CCDC126: variants seen among roughly 807,000 people sequenced by gnomAD.
The protein encoded by CCDC126 is coiled-coil domain-containing protein 126.
CCDC126 carries 5 observed loss-of-function variants against 11.7 expected under a neutral mutation model. The ratio of observed to expected loss-of-function variants is 0.43; its 90% confidence interval spans 0.22 to 0.90. The LOEUF is 0.90. Ranked by LOEUF, CCDC126 falls within the 40% of genes least tolerant of loss-of-function variation. The pLI is 0.27. For synonymous variants in CCDC126, 60 were observed against 61.9 expected (o/e 0.97, Z 0.14); for missense variants, 150 against 163.1 (o/e 0.92, Z 0.44).
intron 2 of CCDC126, among the ~76,000 whole-genome samples, chr7:23,610,091 T>A (rs540483261): frequency 1.3e-5 from 2 of 152,220 alleles, no homozygotes; most frequent in Non-Finnish European, 2.9e-5. Flanking sequence ...TTTCTGTGTT[T>A]TAAAAACTTG....
chr7:23,600,748 G>T (rs1021366950), intron 2 of CCDC126, among the ~76,000 whole-genome samples: 2 of 152,196 alleles, frequency 1.3e-5, no homozygotes, highest in Non-Finnish European at 2.9e-5. Context: ...AGATTTGAAT[G>T]AGAGATTTTA....
At chr7:23,607,301 A>G (rs1007774455) in intron 2 of CCDC126, among the ~76,000 whole-genome samples, 1 of 152,166 alleles carries the variant, frequency 6.6e-6, no homozygotes, top group African/African-American at 2.4e-5. Flanking sequence ...CTTGGCCTCA[A>G]TGTTGGCCTA....
chr7:23,598,377 GT>G (rs1782466783), intron 2 of CCDC126: 1 of 152,190 alleles, frequency 6.6e-6, no homozygotes, highest in Non-Finnish European at 1.5e-5. Flanking sequence ...ATCATCCTGG[GT>G]TGTGTGTTCT....
intron 3 of CCDC126, among the ~76,000 whole-genome samples, chr7:23,620,075 A>G (rs1162412659): frequency 1.3e-5 from 2 of 152,234 alleles, no homozygotes; most frequent in Non-Finnish European, 2.9e-5. Flanking sequence ...AGCATGATTT[A>G]TAATCCTTTG....
chr7:23,602,258 G>A (rs1458169567), intron 2 of CCDC126: 1 of 152,038 alleles, frequency 6.6e-6, no homozygotes, highest in African/African-American at 2.4e-5. Flanking sequence ...TTCTTAACAG[G>A]GAATATTTTG....
chr7:23,637,911 A>C (rs1783267288), intron 3 of CCDC126, among the ~76,000 whole-genome samples: 1 of 107,022 alleles, frequency 9.3e-6, no homozygotes, highest in African/African-American at 3.4e-5. Flanking sequence ...GGCCGCCCCT[A>C]CTGGGAAGTG....
intron 3 of CCDC126, among the ~76,000 whole-genome samples, chr7:23,636,841 C>T: frequency 8.1e-6 from 1 of 123,554 alleles, no homozygotes; most frequent in South Asian, 2.9e-4. Context: ...GCCCGGCCGC[C>T]CCTACTGGAA....
intron 3 of CCDC126, among the ~76,000 whole-genome samples, chr7:23,612,498 A>AAC (rs1782733330): frequency 1.4e-5 from 2 of 143,418 alleles, no homozygotes; most frequent in Non-Finnish European, 3.0e-5. Flanking sequence ...AAAAAAAAAA[A>AAC]AAACAAAGAA....
At chr7:23,625,455 G>T (rs1479167158) in intron 3 of CCDC126, among the ~76,000 whole-genome samples, 3 of 152,050 alleles carry the variant, frequency 2.0e-5, no homozygotes, top group Non-Finnish European at 4.4e-5. Context: ...TTTATATGCA[G>T]ACTTTGACCA....
intron 3 of CCDC126, among the ~76,000 whole-genome samples, chr7:23,628,884 C>T (rs889022537): frequency 1.2e-4 from 19 of 152,268 alleles, no homozygotes; most frequent in African/African-American, 4.6e-4. Context: ...CCCTTCTCCA[C>T]CCAGCAGAGT....
chr7:23,623,266 C>T (rs961820296), intron 3 of CCDC126, among the ~76,000 whole-genome samples: 4 of 151,746 alleles, frequency 2.6e-5, no homozygotes, highest in Non-Finnish European at 4.4e-5. Context: ...CTGGCCTGCT[C>T]ACTTTTTGAT....
intron 1 of CCDC126, 53 bp downstream of exon 1, chr7:23,597,658 C>T (rs1782444314): frequency 6.5e-6 from 1 of 152,676 alleles, no homozygotes; most frequent in Non-Finnish European, 1.5e-5. Context: ...TCGCGCGCCC[C>T]TCAGCCTAGC....
intron 3 of CCDC126, among the ~76,000 whole-genome samples, chr7:23,625,266 G>A (rs567946636): frequency 6.6e-6 from 1 of 152,290 alleles, no homozygotes; most frequent in African/African-American, 2.4e-5. Context: ...ATATATGTGT[G>A]TGTATATGTA....
intron 2 of CCDC126, among the ~76,000 whole-genome samples, chr7:23,602,393 A>G (rs573033072): frequency 1.3e-5 from 2 of 152,334 alleles, no homozygotes; most frequent in East Asian, 1.9e-4. Context: ...GAGAACACCA[A>G]TAAGAATATA....
Position 23,623,798 on chromosome 7 carries a change from C to A in CCDC126, c.238+12245C>A, listed in dbSNP as rs554360646. 3.3e-5 allele frequency among the ~76,000 whole-genome samples: 5 copies of A among 152,150 alleles called. No individual in the cohort carries two copies. The South Asian group carries it at 1.0e-3, about 32-fold the overall frequency. On this transcript the variant is annotated intron_variant, in intron 3 of 3. Coordinates refer to ENST00000307471, the MANE Select transcript of CCDC126 (RefSeq NM_138771.4). ...TGTTAACTAGCTTGATTTAATTATT[C>A]CATATTGTATCCACAATTTATGACA...
chr7:23,618,887 T>A (rs1047323616), intron 3 of CCDC126, among the ~76,000 whole-genome samples: 2 of 152,104 alleles, frequency 1.3e-5, no homozygotes, highest in Non-Finnish European at 2.9e-5. Context: ...CAATGTATTT[T>A]ATTCCTTTGA....
At position 23,644,160 on chromosome 7, in the gene CCDC126, G is replaced by A. The variant is rs2109348; in HGVS notation, c.*1045G>A. ...GAAATTTTGAATTTGTATAACAGATGCATTAGATATTCATTTTATATAATG... is the reference window on the plus strand; with the variant it reads ...GAAATTTTGAATTTGTATAACAGATACATTAGATATTCATTTTATATAATG... On this transcript the variant is annotated 3_prime_UTR_variant, in exon 4 of 4. Coordinates refer to ENST00000307471, the MANE Select transcript of CCDC126 (RefSeq NM_138771.4). 134,191 of 152,044 alleles carry A rather than the reference G, an allele frequency of 0.88. 59,386 individuals are homozygous for A. The highest frequency in any genetic ancestry group is 0.94 in the African/African-American group (39,250 of 41,538). 9.4% of individuals were successfully genotyped at this position (152,044 alleles called of 1,614,324 possible).
At chr7:23,635,448 C>A (rs998648559) in intron 3 of CCDC126, among the ~76,000 whole-genome samples, 1 of 152,110 alleles carries the variant, frequency 6.6e-6, no homozygotes, top group Admixed American at 6.6e-5. Context: ...CATAGAATTC[C>A]CTTAAAGATG....
chr7:23,606,065 A>AT (rs1193848867), intron 2 of CCDC126, among the ~76,000 whole-genome samples: 5 of 150,812 alleles, frequency 3.3e-5, no homozygotes, highest in Non-Finnish European at 4.4e-5. Context: ...TTATTTATTT[A>AT]TTTATGTTTT....
Sources: allele counts gnomAD v4.1 joint callset (sites outside exome capture counted in the v4.1 genomes callset), GRCh38; gene constraint gnomAD v4.1.1; transcripts MANE v1.5; gene names NCBI Gene and HGNC (gene_info 2026-07-23, HGNC 2026-07-21).